The following TRDN variants were observed in gnomAD, a reference collection of about 807,000 sequenced individuals.
TRDN encodes the protein triadin, also known as triadin in skeletal muscle.
Under a neutral mutation model 149.7 loss-of-function variants are expected in TRDN, and 161 were observed. That is an observed-to-expected ratio of 1.08 (90% CI 0.95 to 1.23). The LOEUF is 1.23. TRDN is among the 50% of genes most tolerant of loss of function. The pLI, the probability that TRDN is intolerant of heterozygous loss-of-function variation, is 0.00. For synonymous variants in TRDN, 294 were observed against 250.5 expected, an observed-to-expected ratio of 1.17 and a Z score of -1.64; for missense variants, 896 against 823.5, an observed-to-expected ratio of 1.09 and a Z score of -1.08.
intron 24 of TRDN, among the ~76,000 whole-genome samples, chr6:123,286,632 TACTC>T (rs1450501473): frequency 6.6e-6 from 1 of 151,926 alleles, no homozygotes; most frequent in Non-Finnish European, 1.5e-5. Context: ...CTGAAGAACT[TACTC>T]ATGTAACCAA....
At chr6:123,499,719 A>AAAAAAATATATATATAT in intron 8 of TRDN, among the ~76,000 whole-genome samples, 6 of 47,670 alleles carry the variant, frequency 1.3e-4, no homozygotes, top group African/African-American at 1.4e-4. Context: ...AAAAAAAAAA[A>AAAAAAATATATATATAT]ATATATATAT....
chr6:123,435,587 G>A (rs563730605), intron 12 of TRDN, among the ~76,000 whole-genome samples: 4 of 148,330 alleles, frequency 2.7e-5, no homozygotes, highest in Admixed American at 2.7e-4. Flanking sequence ...GTATTTGGGG[G>A]TTGAGGGATT....
chr6:123,459,949 G>A (rs1259781213), intron 10 of TRDN, among the ~76,000 whole-genome samples: 1 of 152,152 alleles, frequency 6.6e-6, no homozygotes, highest in African/African-American at 2.4e-5. Context: ...ACTACTTGTA[G>A]TTGTTTTGAG....
At chr6:123,389,130 C>T (rs1440358691) in intron 13 of TRDN, among the ~76,000 whole-genome samples, 2 of 152,108 alleles carry the variant, frequency 1.3e-5, no homozygotes, top group Non-Finnish European at 2.9e-5. Flanking sequence ...ATTCTGGCTT[C>T]CTCTGTGCTG....
chr6:123,381,331 A>G lies in TRDN; in HGVS notation c.1186+39T>C, dbSNP rs1267122566. 5.2e-6 allele frequency: 8 copies of G among 1,540,692 alleles called. 1 individual carries two copies. In the Admixed American group the frequency reaches 1.6e-4, roughly 31 times the overall value. ...AGCAGCAGGCAAATAATAGTAGTAA[A>G]AAAAAAAGTACACAAATACACTGCA... On this transcript the variant is annotated intron_variant, in intron 16 of 40. Transcript: ENST00000334268.
At chr6:123,593,570 G>C (rs541811165) in intron 1 of TRDN, among the ~76,000 whole-genome samples, 59 of 152,296 alleles carry the variant, frequency 3.9e-4, no homozygotes, top group African/African-American at 1.3e-3. Flanking sequence ...GGAAGAATCT[G>C]TTTAAGCTTC....
intron 12 of TRDN, among the ~76,000 whole-genome samples, chr6:123,412,889 C>A (rs1388078839): frequency 1.3e-5 from 2 of 152,064 alleles, no homozygotes; most frequent in Non-Finnish European, 2.9e-5. Flanking sequence ...ATGTTCGGTT[C>A]ATTAGTAACT....
chr6:123,483,446 T>G lies in TRDN; in HGVS notation c.853+13747A>C, dbSNP rs955092904. ...AACTACATCTAATTTTATTACCACTTCCTCCCCTATTTGGGATGAAAAAAA... is the reference window on the plus strand; with the variant it reads ...AACTACATCTAATTTTATTACCACTGCCTCCCCTATTTGGGATGAAAAAAA... On this transcript the variant is annotated intron_variant, in intron 9 of 40. Coordinates refer to ENST00000334268, the MANE Select transcript of TRDN (RefSeq NM_006073.4). Among the ~76,000 whole-genome samples, 9 of 151,868 alleles carry G rather than the reference T, an allele frequency of 5.9e-5. No homozygotes were observed. The South Asian group carries it at 1.9e-3, about 32-fold the overall frequency.
Position 123,459,302 on chromosome 6 carries a change from A to G in TRDN, c.931+5604T>C, listed in dbSNP as rs549774783. On this transcript the variant is annotated intron_variant, in intron 10 of 40. Transcript: ENST00000334268. ...TGAATGTGGGCTGTTTTGGCCTATA[A>G]GAGCAACATCCAGAGATAATACAGT... is the stretch of plus-strand genomic sequence containing the variant. Among the ~76,000 whole-genome samples, 357 of 152,278 alleles carry G rather than the reference A, an allele frequency of 2.3e-3. 4 individuals carry two copies. The highest frequency in any genetic ancestry group is 8.3e-3 in the African/African-American group (346 of 41,550).
At chr6:123,398,137 C>T (rs1426827423) in intron 12 of TRDN, among the ~76,000 whole-genome samples, 6 of 152,070 alleles carry the variant, frequency 3.9e-5, no homozygotes, top group East Asian at 1.9e-4. Context: ...CCTGAGTAGC[C>T]GGGATTACAG....
chr6:123,610,594 G>A (rs1308842206), intron 1 of TRDN, among the ~76,000 whole-genome samples: 2 of 152,118 alleles, frequency 1.3e-5, no homozygotes, highest in Admixed American at 6.6e-5. Flanking sequence ...ATGAACAATT[G>A]TATCTGTGAC....
intron 23 of TRDN, among the ~76,000 whole-genome samples, chr6:123,325,099 A>G (rs1303827399): frequency 1.3e-5 from 2 of 152,138 alleles, no homozygotes; most frequent in Admixed American, 1.3e-4. Flanking sequence ...TTACAAAGAC[A>G]AAAATTTTGA....
intron 33 of TRDN, among the ~76,000 whole-genome samples, chr6:123,262,296 C>A (rs76501236): frequency 1.7e-4 from 26 of 152,102 alleles, no homozygotes; most frequent in African/African-American, 6.0e-4. Flanking sequence ...GATCTCCATA[C>A]TGTGTTTATT....
chr6:123,631,169 A>G lies in TRDN; in HGVS notation c.22+5585T>C, dbSNP rs1389676076. Among the ~76,000 whole-genome samples the G allele has an allele frequency of 2.6e-5, 4 of 151,748 alleles. No homozygotes were observed. The East Asian group carries it at 7.8e-4, about 30-fold the overall frequency. ...GTGAACTTGAGCAGTAAAGAATAACAAGAAGTTTCAGAGTCAGACTAATCA... is the reference window on the plus strand; with the variant it reads ...GTGAACTTGAGCAGTAAAGAATAACGAGAAGTTTCAGAGTCAGACTAATCA... On this transcript the variant is annotated intron_variant, in intron 1 of 40. Transcript: ENST00000334268.
intron 8 of TRDN, chr6:123,498,378 T>A (rs1778538235): frequency 3.3e-6 from 1 of 306,456 alleles, no homozygotes; most frequent in Admixed American, 3.9e-5. Context: ...ATTATGAAAT[T>A]CTGTTAGGTC....
chr6:123,614,400 G>A (rs1405394631), intron 1 of TRDN, among the ~76,000 whole-genome samples: 1 of 148,936 alleles, frequency 6.7e-6, no homozygotes, highest in African/African-American at 2.5e-5. Context: ...TACTTGCAAT[G>A]TTATTCTAGA....
chr6:123,576,055 G>A (rs753185038), intron 1 of TRDN, among the ~76,000 whole-genome samples: 2 of 152,130 alleles, frequency 1.3e-5, no homozygotes, highest in Admixed American at 6.6e-5. Context: ...TTCAAGATGT[G>A]TAGAGCAAAT....
intron 8 of TRDN, chr6:123,498,599 G>A (rs1187247416): frequency 1.9e-5 from 9 of 470,896 alleles, no homozygotes; most frequent in South Asian, 1.4e-4. Context: ...GCCCTTTGAT[G>A]TACTGGCAGT....
chr6:123,521,450 T>C (rs1330858099), intron 5 of TRDN, among the ~76,000 whole-genome samples: 1 of 151,906 alleles, frequency 6.6e-6, no homozygotes, highest in Admixed American at 6.6e-5. Context: ...CATTTGAAGA[T>C]GAAGGCAGGA....
Sources: gnomAD v4.1 joint callset for allele counts (sites outside exome capture counted in the v4.1 genomes callset) on GRCh38, gnomAD v4.1.1 for gene constraint, MANE v1.5 for transcripts, NCBI Gene and HGNC (gene_info 2026-07-23, HGNC 2026-07-21) for gene names.